The following TRHDE variants were observed in gnomAD, a reference collection of about 807,000 sequenced individuals.
TRHDE encodes thyrotropin releasing hormone degrading enzyme, also known as thyrotropin-releasing hormone-degrading ectoenzyme.
Under a neutral mutation model 125.7 loss-of-function variants are expected in TRHDE, and 72 were observed. That is an observed-to-expected ratio of 0.57 (90% CI 0.47 to 0.70). The LOEUF is 0.70. Ranked by LOEUF, TRHDE falls within the 30% of genes least tolerant of loss-of-function variation. The pLI is 0.00. For synonymous variants in TRHDE, 509 were observed against 509.1 expected, an observed-to-expected ratio of 1.00 and a Z score of 0.00; for missense variants, 1,110 against 1,327.1, an observed-to-expected ratio of 0.84 and a Z score of 2.54.
In TRHDE at chr12:72,512,872, G is replaced by C. The variant is rs148352219; in HGVS notation, c.1722+13237G>C. 1.9e-3 allele frequency among the ~76,000 whole-genome samples: 293 copies of C among 151,770 alleles called. 1 individual carries two copies. The highest frequency in any genetic ancestry group is 3.8e-3 in the Admixed American group (58 of 15,168). ...AGAAAGAACACTTGGAGAAAATTCA[G>C]AATAAACATATTTAGAATATAAGTA... On this transcript the variant is annotated intron_variant, in intron 6 of 18. Transcript: ENST00000261180.
At chr12:72,141,556 T>C (rs1876112311) in intron 2 of TRHDE, among the ~76,000 whole-genome samples, 1 of 152,238 alleles carries the variant, frequency 6.6e-6, no homozygotes, top group South Asian at 2.1e-4. Context: ...ACTTGGCTTT[T>C]TATTATAGCA....
chr12:72,182,250 AGT>A (rs1877109345), intron 2 of TRHDE, among the ~76,000 whole-genome samples: 1 of 152,168 alleles, frequency 6.6e-6, no homozygotes, highest in African/African-American at 2.4e-5. Context: ...CTATAACTGG[AGT>A]AACTGTCCAC....
chr12:72,660,845 A>G (rs1236161352), intron 18 of TRHDE, among the ~76,000 whole-genome samples: 2 of 152,170 alleles, frequency 1.3e-5, no homozygotes, highest in Non-Finnish European at 2.9e-5. Flanking sequence ...GGAAGAAATA[A>G]GCAAACTAGA....
chr12:72,193,074 T>C (rs942225999), intron 2 of TRHDE, among the ~76,000 whole-genome samples: 5 of 152,144 alleles, frequency 3.3e-5, no homozygotes, highest in African/African-American at 1.2e-4. Context: ...AATTGTCTCA[T>C]TTAAAATTTT....
At chr12:72,492,235 C>G (rs989584865) in intron 5 of TRHDE, among the ~76,000 whole-genome samples, 1 of 151,884 alleles carries the variant, frequency 6.6e-6, no homozygotes, top group African/African-American at 2.4e-5. Flanking sequence ...CTTTTACTTT[C>G]TCTATCAGTA....
intron 1 of TRHDE, among the ~76,000 whole-genome samples, chr12:72,100,582 G>T (rs77337994): frequency 0.019 from 2,888 of 152,274 alleles, 47 homozygotes; most frequent in South Asian, 0.04. Flanking sequence ...ATCTTCTGTG[G>T]ACATCCCTTC....
rs142166414 is a variant in TRHDE, at chr12:72,303,468, G to A, written c.1188+16514G>A. Among the ~76,000 whole-genome samples the A allele has an allele frequency of 2.0e-3, 304 of 152,112 alleles. 2 individuals are homozygous for A. The Middle Eastern group carries it at 0.024, about 12-fold the overall frequency. ...ACTTGGTGGAGCCCCTACAGCAGTGGCTCTTAAACTACATGTGCATATTAG... is the reference window on the plus strand; with the variant it reads ...ACTTGGTGGAGCCCCTACAGCAGTGACTCTTAAACTACATGTGCATATTAG... On this transcript the variant is annotated intron_variant, in intron 2 of 18. Transcript: ENST00000261180.
rs145223388 is a variant in TRHDE, at chr12:72,207,676, T to G, written n.279+101924T>G. On this transcript the variant is annotated intron_variant and non_coding_transcript_variant, in intron 2 of 4. Transcript: ENST00000548156. ...ACATGATGGAACAGGATGGTTTATG[T>G]TGCATTGCACTTACTCTTCCCTATT... Among the ~76,000 whole-genome samples, 136 of 152,318 alleles carry G rather than the reference T, an allele frequency of 8.9e-4. 1 individual carries two copies. The highest frequency in any genetic ancestry group is 5.9e-5 in the Non-Finnish European group (4 of 68,028).
intron 2 of TRHDE, among the ~76,000 whole-genome samples, chr12:72,205,419 T>C (rs1877645441): frequency 6.6e-6 from 1 of 152,058 alleles, no homozygotes; most frequent in Admixed American, 6.6e-5. Flanking sequence ...GTGTATAATA[T>C]TGTTAACTAT....
intron 2 of TRHDE, among the ~76,000 whole-genome samples, chr12:72,139,480 G>A (rs1383575788): frequency 3.9e-5 from 6 of 152,076 alleles, no homozygotes; most frequent in Non-Finnish European, 7.4e-5. Flanking sequence ...CCTCCCTAGG[G>A]GAGAGTTGGG....
At chr12:72,445,557 T>G (rs1875235717) in intron 3 of TRHDE, among the ~76,000 whole-genome samples, 2 of 151,942 alleles carry the variant, frequency 1.3e-5, no homozygotes, top group Admixed American at 1.3e-4. Context: ...TGAATTCATG[T>G]TAGGTAGAAG....
At chr12:72,394,484 C>A (rs780948810) in intron 3 of TRHDE, among the ~76,000 whole-genome samples, 1 of 152,144 alleles carries the variant, frequency 6.6e-6, no homozygotes, top group Non-Finnish European at 1.5e-5. Context: ...CACCTTGAGT[C>A]TTTTTCACAT....
intron 4 of TRHDE, among the ~76,000 whole-genome samples, chr12:72,471,845 T>C (rs1269770830): frequency 2.0e-5 from 3 of 152,108 alleles, no homozygotes. Context: ...CCTAAAGCCA[T>C]ACATGATCTG....
At chr12:72,135,857 CTA>C (rs1875972541) in intron 2 of TRHDE, among the ~76,000 whole-genome samples, 2 of 151,438 alleles carry the variant, frequency 1.3e-5, no homozygotes, top group Admixed American at 1.3e-4. Flanking sequence ...CATTTATTCT[CTA>C]TGATTTTTTT....
At chr12:72,296,827 AGAGT>A (rs1452881783) in intron 2 of TRHDE, among the ~76,000 whole-genome samples, 1 of 152,240 alleles carries the variant, frequency 6.6e-6, no homozygotes, top group African/African-American at 2.4e-5. Context: ...GTTCTATTAC[AGAGT>A]GAGTGTAGAA....
chr12:72,441,231 A>G (rs905651766), intron 3 of TRHDE, among the ~76,000 whole-genome samples: 2 of 151,868 alleles, frequency 1.3e-5, no homozygotes, highest in South Asian at 2.1e-4. Flanking sequence ...TGCTTTGACT[A>G]TAAATGATGA....
At chr12:72,555,827 T>G (rs1326440767) in intron 7 of TRHDE, among the ~76,000 whole-genome samples, 3 of 152,192 alleles carry the variant, frequency 2.0e-5, no homozygotes, top group Non-Finnish European at 4.4e-5. Context: ...TTGTTGTTGT[T>G]TATGGATCCC....
At chr12:72,479,130 A>C (rs1470113578) in intron 5 of TRHDE, among the ~76,000 whole-genome samples, 1 of 141,944 alleles carries the variant, frequency 7.0e-6, no homozygotes, top group African/African-American at 2.5e-5. Flanking sequence ...ATCTGTTAGA[A>C]AGATGAATGA....
rs181760921 is a variant in TRHDE, at chr12:72,186,245, C to G, written n.279+80493C>G. ...TTCACTCCTGAGCCCAGCGAGACCACGAGCCCACCGGGAGGAACGCACAAC... is the reference window on the plus strand; with the variant it reads ...TTCACTCCTGAGCCCAGCGAGACCAGGAGCCCACCGGGAGGAACGCACAAC... On this transcript the variant is annotated intron_variant and non_coding_transcript_variant, in intron 2 of 4. Transcript: ENST00000548156. 242 of 170,976 alleles carry G rather than the reference C, an allele frequency of 1.4e-3. 1 individual carries two copies. The highest frequency in any genetic ancestry group is 2.5e-3 in the Middle Eastern group (1 of 396). The allele number at this position is 170,976 out of a possible 1,614,324, so 10.6% of individuals were successfully genotyped here.
Sources: gnomAD v4.1 joint callset for allele counts (sites outside exome capture counted in the v4.1 genomes callset) on GRCh38, gnomAD v4.1.1 for gene constraint, MANE v1.5 for transcripts, NCBI Gene and HGNC (gene_info 2026-07-23, HGNC 2026-07-21) for gene names.